The following APBA1 variants were observed in gnomAD, a reference collection of about 807,000 sequenced individuals.
APBA1 encodes the protein amyloid-beta A4 precursor protein-binding family A member 1.
Under a neutral mutation model 86.6 loss-of-function variants are expected in APBA1, and 55 were observed. That is an observed-to-expected ratio of 0.64 (90% CI 0.51 to 0.80). The LOEUF is 0.80. Among genes scored for constraint, APBA1 ranks in the 30% least tolerant of loss-of-function variants. The pLI is 0.00. For synonymous variants in APBA1, 511 were observed against 493.9 expected, an observed-to-expected ratio of 1.03 and a Z score of -0.46; for missense variants, 1,090 against 1,183.0, an observed-to-expected ratio of 0.92 and a Z score of 1.15.
chr9:69,587,955 G>A (rs1822053376), intron 1 of APBA1, among the ~76,000 whole-genome samples: 1 of 151,674 alleles, frequency 6.6e-6, no homozygotes, highest in Admixed American at 6.6e-5. Context: ...GAACCCGGGA[G>A]GTGGAGGTTG....
chr9:69,473,497 C>T (rs1414857791), intron 3 of APBA1, among the ~76,000 whole-genome samples: 1 of 152,122 alleles, frequency 6.6e-6, no homozygotes, highest in Non-Finnish European at 1.5e-5. Flanking sequence ...TTCACATTTT[C>T]TTGCTCTATT....
At chr9:69,647,367 A>T (rs1296023110) in intron 1 of APBA1, among the ~76,000 whole-genome samples, 1 of 152,180 alleles carries the variant, frequency 6.6e-6, no homozygotes, top group Non-Finnish European at 1.5e-5. Flanking sequence ...CCTTCAGATA[A>T]AGTATCTAAG....
At chr9:69,447,663 G>C (rs763281669) in intron 10 of APBA1, among the ~76,000 whole-genome samples, 3 of 152,160 alleles carry the variant, frequency 2.0e-5, no homozygotes, top group Non-Finnish European at 2.9e-5. Context: ...CTGTATTGGA[G>C]GCTGTATGAC....
intron 1 of APBA1, among the ~76,000 whole-genome samples, chr9:69,666,426 T>G (rs1396088109): frequency 2.0e-5 from 3 of 151,930 alleles, no homozygotes. Context: ...TTGCTCTCTC[T>G]CTTTTATTCT....
intron 2 of APBA1, among the ~76,000 whole-genome samples, chr9:69,502,035 T>C (rs1242260247): frequency 2.0e-5 from 3 of 152,118 alleles, no homozygotes; most frequent in African/African-American, 7.2e-5. Flanking sequence ...TGGCACAGTT[T>C]CACATATATA....
intron 5 of APBA1, among the ~76,000 whole-genome samples, chr9:69,466,126 G>T (rs538626315): frequency 8.5e-5 from 13 of 152,118 alleles, no homozygotes; most frequent in Non-Finnish European, 1.5e-4. Flanking sequence ...TCTGAGCTTG[G>T]GGGAGAAGCA....
chr9:69,489,958 T>C (rs7858837), intron 2 of APBA1, among the ~76,000 whole-genome samples: 104,539 of 151,886 alleles, frequency 0.69, 36,731 homozygotes, highest in East Asian at 0.82. Flanking sequence ...CATTTGATCC[T>C]GCCATCCCAT....
At chr9:69,644,449 T>C (rs575020825) in intron 1 of APBA1, among the ~76,000 whole-genome samples, 144 of 152,280 alleles carry the variant, frequency 9.5e-4, no homozygotes, top group African/African-American at 3.4e-3. Flanking sequence ...CCAAAATTCT[T>C]CTGTTAGTTC....
intron 10 of APBA1, among the ~76,000 whole-genome samples, chr9:69,443,282 G>A (rs1257831240): frequency 6.6e-6 from 1 of 152,174 alleles, no homozygotes; most frequent in Non-Finnish European, 1.5e-5. Context: ...TCAATTTTGC[G>A]AACAACTGTT....
intron 1 of APBA1, among the ~76,000 whole-genome samples, chr9:69,642,751 G>T (rs1469414153): frequency 3.3e-5 from 5 of 151,666 alleles, no homozygotes; most frequent in African/African-American, 1.2e-4. Flanking sequence ...AAAGCAGATT[G>T]CCCACTATAA....
intron 5 of APBA1, chr9:69,461,124 T>C (rs536887571): frequency 6.6e-6 from 1 of 152,304 alleles, no homozygotes; most frequent in African/African-American, 2.4e-5. Context: ...TGCAACAAAT[T>C]ATAATTTAAA....
intron 2 of APBA1, among the ~76,000 whole-genome samples, chr9:69,484,678 G>A (rs1015536333): frequency 2.6e-5 from 4 of 152,048 alleles, no homozygotes; most frequent in South Asian, 2.1e-4. Flanking sequence ...ATCTGTTCAC[G>A]TTATGCCCCT....
At chr9:69,455,068 C>T (rs1211205365) in intron 8 of APBA1, among the ~76,000 whole-genome samples, 1 of 152,070 alleles carries the variant, frequency 6.6e-6, no homozygotes, top group African/African-American at 2.4e-5. Flanking sequence ...AGCTCTGGTT[C>T]CCCGGAGAAA....
At chr9:69,523,511 A>G (rs868000001) in intron 1 of APBA1, among the ~76,000 whole-genome samples, 2 of 55,534 alleles carry the variant, frequency 3.6e-5, no homozygotes, top group Non-Finnish European at 8.6e-5. Context: ...ATATATATAT[A>G]TATATATATA....
At chr9:69,476,281 A>G (rs551763929) in intron 2 of APBA1, 138 bp from the exon 3 acceptor site, 1 of 602,022 alleles carries the variant, frequency 1.7e-6, no homozygotes, top group South Asian at 2.2e-5. Context: ...ACCTCTTAAA[A>G]AGGAGCTGCC....
chr9:69,607,820 T>C (rs182119618), intron 1 of APBA1, among the ~76,000 whole-genome samples: 2 of 152,354 alleles, frequency 1.3e-5, no homozygotes, highest in Non-Finnish European at 2.9e-5. Flanking sequence ...GTTGTCTTAC[T>C]GGCTGTTTGA....
chr9:69,535,743 G>A (rs992909637), intron 1 of APBA1, among the ~76,000 whole-genome samples: 2 of 151,714 alleles, frequency 1.3e-5, no homozygotes, highest in Admixed American at 1.3e-4. Context: ...TTTTCCCCAG[G>A]CCCCCTCTAT....
intron 2 of APBA1, among the ~76,000 whole-genome samples, chr9:69,505,039 A>G (rs957966720): frequency 1.3e-5 from 2 of 152,046 alleles, no homozygotes; most frequent in African/African-American, 4.8e-5. Flanking sequence ...ACATCCTCAC[A>G]AACACTTGGC....
chr9:69,522,823 G>A (rs1836274715), intron 1 of APBA1, among the ~76,000 whole-genome samples: 1 of 152,160 alleles, frequency 6.6e-6, no homozygotes, highest in Non-Finnish European at 1.5e-5. Flanking sequence ...TGTGCCTCTG[G>A]AGGAAGACAG....
Sources: gnomAD v4.1 joint callset for allele counts (sites outside exome capture counted in the v4.1 genomes callset) on GRCh38, gnomAD v4.1.1 for gene constraint, MANE v1.5 for transcripts, NCBI Gene and HGNC (gene_info 2026-07-23, HGNC 2026-07-21) for gene names.